Variants in SYN2 observed in about 807,000 individuals in gnomAD.
SYN2 encodes synapsin-2.
A neutral mutation model predicts 50.9 loss-of-function variants in SYN2; 19 were observed. That is an observed-to-expected ratio of 0.37 (90% CI 0.26 to 0.55). SYN2 has a LOEUF of 0.55. SYN2 is among the 20% of genes least tolerant of loss of function. SYN2 has a pLI of 0.81. For synonymous variants in SYN2, 255 were observed against 224.9 expected (o/e 1.13, Z -1.20); for missense variants, 587 against 576.4 (o/e 1.02, Z -0.19).
At chr3:12,035,816 T>A (rs1694486876) in intron 1 of SYN2, among the ~76,000 whole-genome samples, 1 of 152,156 alleles carries the variant, frequency 6.6e-6, no homozygotes, top group African/African-American at 2.4e-5. Flanking sequence ...GAACAAAGAA[T>A]GGTGGAAGAC....
At chr3:12,083,448 G>A (rs1156964434) in intron 1 of SYN2, among the ~76,000 whole-genome samples, 1 of 152,190 alleles carries the variant, frequency 6.6e-6, no homozygotes, top group Non-Finnish European at 1.5e-5. Context: ...CCTACCTAGG[G>A]TTGGTGGAAC....
intron 1 of SYN2, among the ~76,000 whole-genome samples, chr3:12,075,916 A>G (rs1695458091): frequency 6.6e-6 from 1 of 152,184 alleles, no homozygotes; most frequent in Non-Finnish European, 1.5e-5. Flanking sequence ...TATTCCTTGA[A>G]TGCTTACTAT....
At chr3:12,099,734 A>G (rs1441097574) in intron 1 of SYN2, among the ~76,000 whole-genome samples, 2 of 152,004 alleles carry the variant, frequency 1.3e-5, no homozygotes, top group Non-Finnish European at 2.9e-5. Flanking sequence ...GGAGGCCGAA[A>G]TGGGCGGATC....
intron 10 of SYN2, among the ~76,000 whole-genome samples, chr3:12,180,558 C>A (rs1380285064): frequency 6.6e-6 from 1 of 152,224 alleles, no homozygotes; most frequent in African/African-American, 2.4e-5. Flanking sequence ...AGACAGCAGG[C>A]TTGTAGGTGG....
chr3:12,026,928 C>T (rs968085547), intron 1 of SYN2, among the ~76,000 whole-genome samples: 2 of 152,152 alleles, frequency 1.3e-5, no homozygotes, highest in Non-Finnish European at 2.9e-5. Context: ...AGAAGTGATT[C>T]CAGTTAGAGC....
intron 1 of SYN2, among the ~76,000 whole-genome samples, chr3:12,120,294 T>C (rs1310342738): frequency 6.6e-6 from 1 of 152,222 alleles, no homozygotes; most frequent in Non-Finnish European, 1.5e-5. Context: ...CAGTTTTTTT[T>C]TTAGAGCTTT....
chr3:12,121,085 G>A (rs1696547785), intron 1 of SYN2, among the ~76,000 whole-genome samples: 1 of 152,114 alleles, frequency 6.6e-6, no homozygotes, highest in African/African-American at 2.4e-5. Context: ...TATTTGCCCA[G>A]AATTCCCTCT....
intron 1 of SYN2, among the ~76,000 whole-genome samples, chr3:12,124,399 G>A (rs1696621665): frequency 6.6e-6 from 1 of 152,130 alleles, no homozygotes; most frequent in Non-Finnish European, 1.5e-5. Context: ...AGTAAAGTAT[G>A]TCCTTTTTTT....
chr3:12,180,491 TG>T (rs1698197253), intron 10 of SYN2, among the ~76,000 whole-genome samples: 1 of 152,172 alleles, frequency 6.6e-6, no homozygotes, highest in Admixed American at 6.5e-5. Context: ...TCTGGGTGAC[TG>T]GAAACAGATC....
chr3:12,109,198 T>A (rs942400408), intron 1 of SYN2, among the ~76,000 whole-genome samples: 12 of 152,194 alleles, frequency 7.9e-5, no homozygotes, highest in African/African-American at 2.7e-4. Flanking sequence ...CAGACACAGA[T>A]GACACAGTGC....
intron 1 of SYN2, among the ~76,000 whole-genome samples, chr3:12,062,697 A>G (rs1188405210): frequency 2.6e-5 from 4 of 152,080 alleles, no homozygotes; most frequent in African/African-American, 4.8e-5. Flanking sequence ...AACTAAACAT[A>G]GTCTTACCAT....
intron 1 of SYN2, among the ~76,000 whole-genome samples, chr3:12,014,116 C>T (rs1304231654): frequency 2.6e-4 from 39 of 152,186 alleles, no homozygotes; most frequent in Non-Finnish European, 2.9e-5. Flanking sequence ...CTGGACACAA[C>T]ACAATGGTCT....
In SYN2 at chr3:12,140,652, G is replaced by T. The variant is rs978216738; in HGVS notation, c.379G>T (p.Ala127Ser). 3.9e-6 allele frequency: 3 copies of T among 760,224 alleles called. No homozygotes were observed. Among genetic ancestry groups the T allele is most frequent in the Non-Finnish European group, 2.5e-6 (1 of 407,056 alleles). The allele number at this position is 760,224 out of a possible 1,614,324, so 47.1% of individuals were successfully genotyped here. A position where few individuals can be genotyped will look rare whatever the true frequency, so the allele number is the denominator to read the frequency against. ...LVVDEPHADW[A>S]KCFRGKKVLG... is the part of the protein sequence containing the mutation. ...GTGTGGGTTTATTCTTTTCTCCAGGGCCAAGTGCTTTCGGGGCAAAAAAGT... is the reference window on the plus strand; with the variant it reads ...GTGTGGGTTTATTCTTTTCTCCAGGTCCAAGTGCTTTCGGGGCAAAAAAGT... The change falls in exon 2 of 13, where the codon GCC becomes TCC. Residue 127 changes from alanine (A) to serine (S), a missense_variant and splice_region_variant. Transcript: ENST00000621198.
chr3:12,141,374 C>T (rs1697014541), intron 2 of SYN2, among the ~76,000 whole-genome samples: 1 of 152,148 alleles, frequency 6.6e-6, no homozygotes, highest in South Asian at 2.1e-4. Flanking sequence ...TGTTTTCAAA[C>T]AACTTGTTAC....
intron 1 of SYN2, among the ~76,000 whole-genome samples, chr3:12,040,457 GA>G (rs1351607639): frequency 7.0e-6 from 1 of 143,476 alleles, no homozygotes; most frequent in African/African-American, 2.6e-5. Flanking sequence ...TTTTGAGACG[GA>G]GTTTCGCTGT....
At chr3:12,174,682 A>G (rs1010293327) in intron 10 of SYN2, among the ~76,000 whole-genome samples, 6 of 152,062 alleles carry the variant, frequency 3.9e-5, no homozygotes, top group Non-Finnish European at 7.4e-5. Context: ...GGATTTCACC[A>G]TGTTGGCCAA....
At chr3:12,178,511 C>T (rs1308968085) in intron 10 of SYN2, among the ~76,000 whole-genome samples, 1 of 152,210 alleles carries the variant, frequency 6.6e-6, no homozygotes, top group African/African-American at 2.4e-5. Flanking sequence ...CCTTTCCAAT[C>T]ATCTCAAGAG....
Position 12,145,930 on chromosome 3 carries a change from G to A in SYN2, c.684+95G>A, listed in dbSNP as rs1368569577. ...GGGACTCAAGATGCAGTAGGCCCCA[G>A]CCCCAGGAGGGTCCCTACATCTTCC... On this transcript the variant is annotated intron_variant, in intron 4 of 12. Transcript: ENST00000621198. 3 of 1,537,042 alleles carry A rather than the reference G, an allele frequency of 2.0e-6. No individual in the cohort carries two copies. The East Asian group carries it at 6.8e-5, about 35-fold the overall frequency.
chr3:12,048,098 T>C lies in SYN2; in HGVS notation c.377+43170T>C, dbSNP rs138308611. On this transcript the variant is annotated intron_variant, in intron 1 of 12. Transcript: ENST00000621198. ...TTTCTGTAACCCTAAGTGAAAGATT[T>C]AGCCTTTTTATGCCTTTTTAAGATG... 7.6e-4 allele frequency among the ~76,000 whole-genome samples: 116 copies of C among 152,352 alleles called. 2 individuals are homozygous for C. The East Asian group carries it at 0.022, about 28-fold the overall frequency.
Sources: gnomAD v4.1 joint callset for allele counts (sites outside exome capture counted in the v4.1 genomes callset) on GRCh38, gnomAD v4.1.1 for gene constraint, MANE v1.5 for transcripts, NCBI Gene and HGNC (gene_info 2026-07-23, HGNC 2026-07-21) for gene names.